Variants in ABCC5 observed in about 807,000 individuals in gnomAD.
ABCC5 encodes ATP-binding cassette sub-family C member 5.
A neutral mutation model predicts 160.9 loss-of-function variants in ABCC5; 61 were observed. The ratio of observed to expected loss-of-function variants is 0.38; its 90% CI spans 0.31 to 0.47. ABCC5 has a LOEUF of 0.47. Ranked by LOEUF, ABCC5 falls within the 20% of genes least tolerant of loss-of-function variation. The probability of loss-of-function intolerance (pLI) is 0.99; values close to 1 mark genes in which losing one functional copy is unlikely to be tolerated. For missense variants in ABCC5, 1,308 were observed against 1,813.3 expected, an observed-to-expected ratio of 0.72 and a Z score of 5.06; for synonymous variants, 666 against 700.6, an observed-to-expected ratio of 0.95 and a Z score of 0.78.
In ABCC5 at chr3:183,938,001, T is replaced by C. The variant is rs1713912160; in HGVS notation, c.3754A>G (p.Lys1252Glu). 1 of 1,614,198 alleles carries C rather than the reference T, an allele frequency of 6.2e-7. No individual in the cohort carries two copies. The highest frequency in any genetic ancestry group is 8.5e-7 in the Non-Finnish European group (1 of 1,180,034). The change falls in exon 26 of 30, where the codon AAG becomes GAG. Residue 1252 changes from lysine to glutamate, a missense_variant. This residue lies in a region of ABCC5 where 163 missense variants were observed against 269.7 expected (regional missense o/e 0.60). Coordinates refer to ENST00000334444, the MANE Select transcript of ABCC5 (RefSeq NM_005688.4). ...RLVELSGGCI[K>E]IDGVRISDIG... ...TCACTGATTCTCACTCCATCAATCT[T>C]GATGCAGCCTCCAGATAACTCCACC...
chr3:183,949,771 C>T lies in ABCC5; in HGVS notation c.3209G>A (p.Gly1070Glu), dbSNP rs201003374. 6.8e-6 allele frequency: 11 copies of T among 1,614,032 alleles called. No individual in the cohort carries two copies. Among genetic ancestry groups the T allele is most frequent in the Non-Finnish European group, 8.5e-6 (10 of 1,179,996 alleles). The change falls in exon 22 of 30, where the codon GGG becomes GAG. Residue 1070 changes from glycine to glutamate, a missense_variant. Gly to Glu is a moderately conservative substitution (Grantham distance 98, BLOSUM62 -2). This residue lies in a region of ABCC5 where 1,142 missense variants were observed against 1,527.1 expected (regional missense o/e 0.75). Transcript: ENST00000334444. The surrounding 1 kb of genome is among the most constrained non-coding windows in gnomAD (Gnocchi z 4.2). ...GACAAACCTGTGCAGAAACTCCTGC[C>T]CTTTATTGTAGGCGTGGATGGTGGC... ...GLATIHAYNK[G>E]QEFLHRYQEL... is the part of the protein sequence containing the mutation.
chr3:183,938,577 G>A (rs13064234), intron 25 of ABCC5, among the ~76,000 whole-genome samples: 29,442 of 152,062 alleles, frequency 0.19, 3,000 homozygotes, highest in East Asian at 0.42. Flanking sequence ...GATTACAGGC[G>A]TGAGCCACCG....
chr3:183,981,930 C>G (rs1305585137), intron 7 of ABCC5, 56 bp from the exon 8 acceptor site: 2 of 1,555,572 alleles, frequency 1.3e-6, no homozygotes, highest in Admixed American at 4.3e-5. Flanking sequence ...TTGAGAACTA[C>G]CTAATCTGCT....
rs1193140975 is a variant in ABCC5 at position 183,921,802 on chromosome 3, G to A, written c.4213-401C>T. On this transcript the variant is annotated intron_variant, in intron 29 of 29. Transcript: ENST00000334444. This position sits in a 1 kb window ranked among gnomAD's most constrained non-coding sequence, Gnocchi z 4.1. ...CTCAACACTTTGGGAGGCTGAGGTG[G>A]GCAGACTGCCTGAGGTGAGGAGTTC... Among the ~76,000 whole-genome samples, 8 of 152,104 alleles carry A rather than the reference G, an allele frequency of 5.3e-5. No homozygotes were observed. Among genetic ancestry groups the A allele is most frequent in the African/African-American group, 4.8e-5 (2 of 41,412 alleles).
At chr3:183,948,155 A>C (rs904918293) in intron 22 of ABCC5, among the ~76,000 whole-genome samples, 3 of 152,260 alleles carry the variant, frequency 2.0e-5, no homozygotes, top group Admixed American at 2.0e-4. Flanking sequence ...TGCACCATGT[A>C]CGACTAGAAC....
intron 2 of ABCC5, among the ~76,000 whole-genome samples, chr3:184,000,440 A>G (rs1413812713): frequency 3.9e-5 from 6 of 152,204 alleles, no homozygotes; most frequent in African/African-American, 7.2e-5. Context: ...AGTAAAATAC[A>G]GTATTTTTTC....
intron 5 of ABCC5, chr3:183,985,621 C>T: frequency 1.7e-6 from 1 of 581,298 alleles, no homozygotes; most frequent in Non-Finnish European, 3.2e-6. Flanking sequence ...ATTCTTTATA[C>T]ACAGATCATA....
At chr3:183,942,998 G>A in intron 24 of ABCC5, 82 bp from the exon 25 acceptor site, 2 of 1,431,770 alleles carry the variant, frequency 1.4e-6, no homozygotes, top group Non-Finnish European at 1.9e-6. Flanking sequence ...AATAAAACCA[G>A]GACAACCATA....
In ABCC5 at chr3:183,925,671, A is replaced by T; in HGVS notation, c.4096T>A (p.Leu1366Ile). ...TCTCGGATGGTCTCTTGAATCAATA[A>T]GTCTGTCTCTGTGTCCATGGCAGCT... ...ATAAMDTETD[L>I]LIQETIREAF... is the part of the protein sequence containing the mutation. Residue 1366 changes from leucine (L) to isoleucine (I), a missense_variant, in exon 29 of 30, where the codon TTA becomes ATA. Physicochemically the swap from Leu to Ile is conservative, Grantham distance 5 (BLOSUM62 2). Transcript: ENST00000334444. 1 of 1,614,122 alleles carries T rather than the reference A, an allele frequency of 6.2e-7. No individual in the cohort carries two copies. The highest frequency in any genetic ancestry group is 2.2e-5 in the East Asian group (1 of 44,884).
chr3:184,010,454 A>T (rs1016684000), intron 2 of ABCC5: 2 of 152,272 alleles, frequency 1.3e-5, no homozygotes, highest in Non-Finnish European at 2.9e-5. Flanking sequence ...CCTTTAGGGT[A>T]CTCAAAGCCC....
chr3:183,928,301 A>G (rs1422537548), intron 27 of ABCC5, among the ~76,000 whole-genome samples: 1 of 151,878 alleles, frequency 6.6e-6, no homozygotes, highest in Non-Finnish European at 1.5e-5. Flanking sequence ...TAGTAGGGAC[A>G]GGGTTTCATC....
chr3:183,968,791 C>T (rs913482856), intron 11 of ABCC5, among the ~76,000 whole-genome samples: 5 of 152,178 alleles, frequency 3.3e-5, no homozygotes, highest in Non-Finnish European at 5.9e-5. Flanking sequence ...ATTCTGGAGG[C>T]AGATGGGTCT....
At chr3:183,932,548 G>A (rs535663625) in intron 26 of ABCC5, among the ~76,000 whole-genome samples, 1 of 152,326 alleles carries the variant, frequency 6.6e-6, no homozygotes, top group Admixed American at 6.5e-5. Context: ...GCAATGCAGT[G>A]AGTGTAATGA....
chr3:183,975,971 T>C (rs368996370), intron 10 of ABCC5, among the ~76,000 whole-genome samples: 3 of 152,204 alleles, frequency 2.0e-5, no homozygotes, highest in Admixed American at 6.5e-5. Context: ...AACAAGAATA[T>C]AGAAATGAAC....
intron 26 of ABCC5, 151 bp from the exon 27 acceptor site, chr3:183,928,976 T>G (rs1712891446): frequency 6.8e-6 from 4 of 588,240 alleles, no homozygotes; most frequent in Non-Finnish European, 1.2e-5. Flanking sequence ...ACCAGACAGA[T>G]GGGAGCTCTG....
At chr3:183,967,809 A>C in intron 11 of ABCC5, 43 bp from the exon 12 acceptor site, 1 of 1,475,362 alleles carries the variant, frequency 6.8e-7, no homozygotes, top group Admixed American at 1.7e-5. Context: ...AGAGACTACT[A>C]ACCACTCATC....
At chr3:184,000,641 A>C (rs975137883) in intron 2 of ABCC5, 2 of 152,216 alleles carry the variant, frequency 1.3e-5, no homozygotes, top group Non-Finnish European at 2.9e-5. Flanking sequence ...AAGGAGAGAA[A>C]TATAGACAAA....
intron 1 of ABCC5, among the ~76,000 whole-genome samples, chr3:184,014,649 A>T (rs1722047015): frequency 6.6e-6 from 1 of 152,152 alleles, no homozygotes; most frequent in Non-Finnish European, 1.5e-5. Flanking sequence ...AGTATAAGAG[A>T]ATCAAGAAAA....
chr3:183,988,472 G>A lies in ABCC5; in HGVS notation c.443+100C>T. 1 of 1,460,302 alleles carries A rather than the reference G, an allele frequency of 6.8e-7. No individual in the cohort carries two copies. The allele number at this position is 1,460,302 out of a possible 1,614,324, so 90.5% of individuals were successfully genotyped here. ...CAGGCCGCCCGCCCTCCACTGGACA[G>A]CTCGGCTCTTTAAAGACACAGAGCT... On this transcript the variant is annotated intron_variant, in intron 4 of 29. Transcript: ENST00000334444. The surrounding 1 kb of genome is among the most constrained non-coding windows in gnomAD (Gnocchi z 4.4).
Sources: gnomAD v4.1 joint callset for allele counts (sites outside exome capture counted in the v4.1 genomes callset) on GRCh38, gnomAD v4.1.1 for gene constraint, gnomAD v4.1.1 regional missense constraint, Gnocchi (gnomAD v3.1) non-coding constraint, MANE v1.5 for transcripts, NCBI Gene and HGNC (gene_info 2026-07-23, HGNC 2026-07-21) for gene names.